BTAF1: variants seen among roughly 807,000 people sequenced by gnomAD.
BTAF1 encodes the protein B-TFIID TATA-box binding protein associated factor 1.
Under a neutral mutation model 227.1 loss-of-function variants are expected in BTAF1, and 38 were observed. The ratio of observed to expected loss-of-function variants is 0.17; its 90% CI spans 0.13 to 0.22. The LOEUF is 0.22. Ranked by LOEUF, BTAF1 falls within the 10% of genes least tolerant of loss-of-function variation. The pLI, the probability that BTAF1 is intolerant of heterozygous loss-of-function variation, is 1.00. For synonymous variants in BTAF1, 742 were observed against 751.9 expected (o/e 0.99, Z 0.21); for missense variants, 1,598 against 2,204.0 (o/e 0.73, Z 5.51).
rs79678297 is a variant in BTAF1 at position 92,030,649 on chromosome 10, A to AAGTC, written c.*1719_*1722dup. The stretch of plus-strand genomic sequence containing the variant: ...AATCTGAAATGTCAGATAGAGCTAG[A>AAGTC]AGTCAGATATTTAGGCTGTTTAAAC... On this transcript the variant is annotated 3_prime_UTR_variant, in exon 38 of 38. Coordinates refer to ENST00000265990, the MANE Select transcript of BTAF1 (RefSeq NM_003972.3). 0.28 allele frequency among the ~76,000 whole-genome samples: 41,796 copies of AAGTC among 151,822 alleles called. 6,969 individuals are homozygous for AAGTC. The highest frequency in any genetic ancestry group is 0.38 in the Non-Finnish European group (25,789 of 67,780).
At chr10:91,966,185 T>C (rs1476842452) in intron 13 of BTAF1, among the ~76,000 whole-genome samples, 1 of 152,220 alleles carries the variant, frequency 6.6e-6, no homozygotes, top group East Asian at 1.9e-4. Flanking sequence ...TCATTTGATA[T>C]GTGACAGAGA....
intron 14 of BTAF1, among the ~76,000 whole-genome samples, chr10:91,971,660 C>T (rs995852198): frequency 2.0e-5 from 3 of 151,782 alleles, no homozygotes; most frequent in Non-Finnish European, 4.4e-5. Context: ...TTAGTAGAGA[C>T]AGGGTTTCGC....
chr10:91,949,664 C>T (rs1372840586), intron 4 of BTAF1, among the ~76,000 whole-genome samples: 2 of 152,114 alleles, frequency 1.3e-5, no homozygotes, highest in Admixed American at 1.3e-4. Context: ...GCTGCATTGT[C>T]TGGAGTCTGC....
Position 91,942,541 on chromosome 10 carries a change from G to T in BTAF1, c.373G>T (p.Glu125Ter). Residue 125 changes from glutamate to a stop codon, truncating the protein, a stop_gained, in exon 4 of 38, where the codon GAA becomes TAA. Coordinates refer to ENST00000265990, the MANE Select transcript of BTAF1 (RefSeq NM_003972.3). LOFTEE classifies it high-confidence loss of function. ...GASLLGSAGA[E>*]FEVQDEKSGE... The stretch of plus-strand genomic sequence containing the variant: ...ATCACTCCTGGGATCTGCTGGTGCC[G>T]AATTTGAAGTCCAAGATGAAAAATC... The T allele has an allele frequency of 6.2e-7, 1 of 1,613,996 alleles. No individual in the cohort carries two copies. Among genetic ancestry groups the T allele is most frequent in the South Asian group, 1.1e-5 (1 of 91,074 alleles).
At chr10:92,025,729 C>G (rs1391540841) in intron 35 of BTAF1, among the ~76,000 whole-genome samples, 1 of 150,856 alleles carries the variant, frequency 6.6e-6, no homozygotes, top group Non-Finnish European at 1.5e-5. Context: ...ATGACTTGAA[C>G]CCGAGAGGCA....
At chr10:91,981,464 T>TA (rs374072880) in intron 15 of BTAF1, among the ~76,000 whole-genome samples, 179 bp from the exon 16 acceptor site, 2 of 152,190 alleles carry the variant, frequency 1.3e-5, no homozygotes, top group African/African-American at 4.8e-5. Context: ...ACTTTTTTTT[T>TA]AGTGCACAAA....
intron 21 of BTAF1, 51 bp from the exon 22 acceptor site, chr10:91,993,643 G>A (rs1848949990): frequency 1.5e-6 from 2 of 1,307,920 alleles, no homozygotes; most frequent in East Asian, 2.8e-5. Flanking sequence ...AATTTTAAAT[G>A]TATTATGATT....
chr10:91,951,403 G>T lies in BTAF1; in HGVS notation c.401G>T (p.Gly134Val), dbSNP rs1309945122. ...AAACGTATTTCTTTTCTGTTGAAAG[G>T]TGAAGTGGATCCTAAAGAGAGGATA... The part of the protein sequence containing the change: ...AEFEVQDEKS[G>V]EVDPKERIAR... Residue 134 changes from glycine (G) to valine (V), a missense_variant and splice_region_variant, in exon 5 of 38, where the codon GGT becomes GTT. Gly to Val is a moderately radical substitution (Grantham distance 109). Coordinates refer to ENST00000265990, the MANE Select transcript of BTAF1 (RefSeq NM_003972.3). 3 of 1,607,684 alleles carry T rather than the reference G, an allele frequency of 1.9e-6. No homozygotes were observed. Among genetic ancestry groups the T allele is most frequent in the Non-Finnish European group, 2.5e-6 (3 of 1,178,324 alleles).
intron 17 of BTAF1, 41 bp downstream of exon 17, chr10:91,982,266 G>A (rs1287030589): frequency 6.2e-7 from 1 of 1,612,894 alleles, no homozygotes; most frequent in Admixed American, 1.7e-5. Context: ...ACATTTACAA[G>A]TCTGGCTTTC....
At chr10:92,015,665 G>A (rs1456761235) in intron 32 of BTAF1, among the ~76,000 whole-genome samples, 1 of 152,192 alleles carries the variant, frequency 6.6e-6, no homozygotes, top group Non-Finnish European at 1.5e-5. Flanking sequence ...TGTAACATAG[G>A]CATAAAATGC....
At chr10:92,005,997 C>T (rs1195131347) in intron 25 of BTAF1, among the ~76,000 whole-genome samples, 1 of 151,990 alleles carries the variant, frequency 6.6e-6, no homozygotes, top group Non-Finnish European at 1.5e-5. Context: ...CCTTAACCTC[C>T]CAAGAAGCTG....
In BTAF1 at chr10:91,984,291, A is replaced by T. The variant is rs1848252954; in HGVS notation, c.2314A>T (p.Thr772Ser). The T allele has an allele frequency of 1.2e-6, 2 of 1,613,890 alleles. No homozygotes were observed. The highest frequency in any genetic ancestry group is 1.7e-6 in the Non-Finnish European group (2 of 1,179,866). Residue 772 changes from threonine (T) to serine (S), a missense_variant, in exon 19 of 38, where the codon ACA (threonine) becomes TCA (serine). This residue lies in a region of BTAF1 where 318 missense variants were observed against 435.0 expected (regional missense o/e 0.73). Transcript: ENST00000265990. ...LYYDEIAVPF[T>S]RMQNECKQLI... ...TTATGACGAAATTGCCGTTCCATTC[A>T]CACGAATGCAGAATGAATGTAAACA...
At chr10:91,962,361 A>G (rs575878809) in intron 11 of BTAF1, among the ~76,000 whole-genome samples, 177 bp from the exon 12 acceptor site, 1 of 152,326 alleles carries the variant, frequency 6.6e-6, no homozygotes, top group South Asian at 2.1e-4. Context: ...ACACTCTATA[A>G]TGTTCACAGA....
chr10:91,925,232 T>A (rs967371646), intron 1 of BTAF1, among the ~76,000 whole-genome samples: 4 of 152,182 alleles, frequency 2.6e-5, no homozygotes, highest in Non-Finnish European at 5.9e-5. Context: ...AATTTTTTTT[T>A]AAATAAAACT....
At chr10:91,960,249 T>G (rs1446860620) in intron 11 of BTAF1, 95 bp downstream of exon 11, 7 of 1,311,440 alleles carry the variant, frequency 5.3e-6, no homozygotes, top group Non-Finnish European at 6.2e-6. Context: ...AGATTCTTAC[T>G]GTTACAGAGA....
intron 13 of BTAF1, among the ~76,000 whole-genome samples, 190 bp downstream of exon 13, chr10:91,964,391 T>A (rs1478904901): frequency 1.3e-5 from 2 of 152,134 alleles, no homozygotes; most frequent in Admixed American, 1.3e-4. Flanking sequence ...CTTACAAAGA[T>A]CATTTTTTTT....
rs915626524 is a variant in BTAF1 at position 92,030,305 on chromosome 10, T to TATAAG, written c.*1375_*1379dup. On this transcript the variant is annotated 3_prime_UTR_variant, in exon 38 of 38. Coordinates refer to ENST00000265990, the MANE Select transcript of BTAF1 (RefSeq NM_003972.3). ...ACCTAGCATTCCACAAGAGAATAAA[T>TATAAG]ATAAGATTGAAACTGTAAAATATAT... 6 of 152,530 alleles carry TATAAG rather than the reference T, an allele frequency of 3.9e-5. No individual in the cohort carries two copies. Among genetic ancestry groups the TATAAG allele is most frequent in the Non-Finnish European group, 7.4e-5 (5 of 67,966 alleles). 9.4% of individuals were successfully genotyped at this position (152,530 alleles called of 1,614,324 possible).
chr10:92,000,728 A>G (rs764482797), intron 25 of BTAF1, among the ~76,000 whole-genome samples: 1 of 151,888 alleles, frequency 6.6e-6, no homozygotes, highest in Non-Finnish European at 1.5e-5. Flanking sequence ...AATTTTTTGT[A>G]TTTTTAGTAG....
In BTAF1 at chr10:91,989,556, C is replaced by A. The variant is rs759076323; in HGVS notation, c.2830C>A (p.Gln944Lys). The change falls in exon 20 of 38, where the codon CAA becomes AAA. Residue 944 changes from glutamine (Q) to lysine (K), a missense_variant. Transcript: ENST00000265990. The part of the protein sequence containing the change: ...TPCVTCPVPT[Q>K]SGQENSKGST... ...TTGTGTCACATGTCCAGTACCAACA[C>A]AAAGTGGCCAGGAAAATTCTAAAGG... 4 of 1,601,520 alleles carry A rather than the reference C, an allele frequency of 2.5e-6. No individual in the cohort carries two copies. Among genetic ancestry groups the A allele is most frequent in the Non-Finnish European group, 2.5e-6 (3 of 1,176,592 alleles).
Sources: gnomAD v4.1 joint callset for allele counts (sites outside exome capture counted in the v4.1 genomes callset) on GRCh38, gnomAD v4.1.1 for gene constraint, gnomAD v4.1.1 regional missense constraint, MANE v1.5 for transcripts, NCBI Gene and HGNC (gene_info 2026-07-23, HGNC 2026-07-21) for gene names.